MTMR6: variants seen among roughly 807,000 people sequenced by gnomAD.
MTMR6 encodes the protein phosphatidylinositol-3,5-bisphosphate 3-phosphatase MTMR6.
A neutral mutation model predicts 80.1 loss-of-function variants in MTMR6; 47 were observed. The observed-to-expected ratio is 0.59, with a 90% CI of 0.46 to 0.75. The LOEUF is 0.75. Among genes scored for constraint, MTMR6 ranks in the 30% least tolerant of loss-of-function variants. The probability of loss-of-function intolerance (pLI) is 0.00; values close to 1 mark genes in which losing one functional copy is unlikely to be tolerated. For synonymous variants in MTMR6, 254 were observed against 253.0 expected (o/e 1.00, Z -0.04); for missense variants, 629 against 730.9 (o/e 0.86, Z 1.61).
chr13:25,257,145 A>G, intron 9 of MTMR6, 51 bp downstream of exon 9: 1 of 1,547,080 alleles, frequency 6.5e-7, no homozygotes, highest in Non-Finnish European at 8.8e-7. Context: ...CTGGAGGAAC[A>G]TAAAATTACT....
At chr13:25,283,062 G>C (rs187671027) in intron 1 of MTMR6, among the ~76,000 whole-genome samples, 82 of 151,746 alleles carry the variant, frequency 5.4e-4, no homozygotes, top group African/African-American at 1.9e-3. Context: ...CCTCACACTA[G>C]ATCCTCACAT....
At chr13:25,264,148 C>T (rs4770814) in intron 5 of MTMR6, among the ~76,000 whole-genome samples, 147,233 of 152,064 alleles carry the variant, frequency 0.97, 71,443 homozygotes, top group East Asian at 1. Context: ...AATAGAAAAC[C>T]ATCTTTAAAA....
At position 25,258,576 on chromosome 13, in the gene MTMR6, A is replaced by C; in HGVS notation, c.843T>G (p.Leu281=). 6.3e-7 allele frequency: 1 copy of C among 1,589,590 alleles called. No homozygotes were observed. Among genetic ancestry groups the C allele is most frequent in the South Asian group, 1.2e-5 (1 of 85,606 alleles). Residue 281 remains leucine, a synonymous_variant, in exon 7 of 14, where the codon CTT becomes CTG. Transcript: ENST00000381801. ...ATAATATACCTTCCAATAATTTCTG[A>C]AGGCTGGACCTCATGACATGAATAT... ...IENIHVMRSS[L]QKLLEVNGTK... is the part of the protein sequence containing the mutation.
chr13:25,267,961 C>A lies in MTMR6; in HGVS notation c.142-20G>T. On this transcript the variant is annotated intron_variant, in intron 2 of 13. Transcript: ENST00000381801. ...TAATATCTACAGCATGAAAAAACAT[C>A]CAGGTCATCAACATGGAAAGCACTA... 6.4e-7 allele frequency: 1 copy of A among 1,559,744 alleles called. No homozygotes were observed. Among genetic ancestry groups the A allele is most frequent in the South Asian group, 1.2e-5 (1 of 80,440 alleles).
At chr13:25,275,691 C>A (rs867102992) in intron 1 of MTMR6, among the ~76,000 whole-genome samples, 2 of 151,804 alleles carry the variant, frequency 1.3e-5, no homozygotes, top group Non-Finnish European at 2.9e-5. Flanking sequence ...GAAACCCCGT[C>A]TCTATCAAAA....
At chr13:25,253,668 A>C in intron 11 of MTMR6, 96 bp downstream of exon 11, 1 of 1,090,828 alleles carries the variant, frequency 9.2e-7, no homozygotes, top group Non-Finnish European at 1.3e-6. Flanking sequence ...TAAACTTTCA[A>C]ATTGTCAAGA....
At chr13:25,284,795 T>C (rs1957923370) in intron 1 of MTMR6, among the ~76,000 whole-genome samples, 1 of 152,204 alleles carries the variant, frequency 6.6e-6, no homozygotes, top group Admixed American at 6.5e-5. Flanking sequence ...TTTAAGAACA[T>C]GTTACAGTCC....
intron 6 of MTMR6, 55 bp downstream of exon 6, chr13:25,261,612 AG>A: frequency 9.3e-6 from 13 of 1,397,698 alleles, no homozygotes; most frequent in Non-Finnish European, 1.1e-5. Flanking sequence ...ACTCTCATTA[AG>A]TAAAGTAATA....
intron 1 of MTMR6, among the ~76,000 whole-genome samples, chr13:25,278,488 A>T (rs928791209): frequency 1.3e-5 from 2 of 152,230 alleles, no homozygotes; most frequent in Non-Finnish European, 2.9e-5. Flanking sequence ...TGGGAGGCCA[A>T]GGAGGGTGGA....
At chr13:25,286,646 G>T (rs1174184525) in intron 1 of MTMR6, among the ~76,000 whole-genome samples, 2 of 152,124 alleles carry the variant, frequency 1.3e-5, no homozygotes, top group Non-Finnish European at 2.9e-5. Context: ...CCCTTCTCCA[G>T]AACTCTTGAC....
chr13:25,250,365 T>C (rs1365151455), intron 13 of MTMR6, among the ~76,000 whole-genome samples: 1 of 152,180 alleles, frequency 6.6e-6, no homozygotes, highest in African/African-American at 2.4e-5. Flanking sequence ...ATATATAGCA[T>C]ACCATAAATA....
rs1349759313 is a variant in MTMR6 at position 25,247,738 on chromosome 13, A to C, written c.*1494T>G. 6.6e-6 allele frequency: 1 copy of C among 152,210 alleles called. No individual in the cohort carries two copies. Among genetic ancestry groups the C allele is most frequent in the Non-Finnish European group, 1.5e-5 (1 of 68,010 alleles). 9.4% of individuals were successfully genotyped at this position (152,210 alleles called of 1,614,324 possible). A position where few individuals can be genotyped will look rare whatever the true frequency, so the allele number is the denominator to read the frequency against. On this transcript the variant is annotated 3_prime_UTR_variant, in exon 14 of 14. Transcript: ENST00000381801. ...ATTACAGAAAAGCATTGGAAAAATA[A>C]ACAGGATAAGATAAGCTCTCATACA...
At chr13:25,256,709 A>T (rs892512133) in intron 9 of MTMR6, among the ~76,000 whole-genome samples, 6 of 152,254 alleles carry the variant, frequency 3.9e-5, no homozygotes, top group Admixed American at 1.3e-4. Flanking sequence ...CTTCAGATAT[A>T]AAACATGCCT....
At chr13:25,287,032 GCCTCTGCAC>G (rs1453513739) in intron 1 of MTMR6, among the ~76,000 whole-genome samples, 183 bp downstream of exon 1, 3 of 151,934 alleles carry the variant, frequency 2.0e-5, no homozygotes, top group Admixed American at 2.0e-4. Flanking sequence ...GGTACAGGAG[GCCTCTGCAC>G]CCCGCTTGGC....
intron 5 of MTMR6, among the ~76,000 whole-genome samples, chr13:25,264,170 T>C (rs1180376328): frequency 2.0e-5 from 3 of 148,244 alleles, no homozygotes; most frequent in Non-Finnish European, 4.5e-5. Context: ...TTTCAGAAAA[T>C]AGGAAAAGCT....
chr13:25,258,347 T>C (rs1957259653), intron 7 of MTMR6, among the ~76,000 whole-genome samples: 1 of 152,114 alleles, frequency 6.6e-6, no homozygotes, highest in East Asian at 1.9e-4. Flanking sequence ...TAAGAGTTGA[T>C]GAAAAGAAAA....
chr13:25,275,375 T>C (rs997447570), intron 1 of MTMR6, among the ~76,000 whole-genome samples: 1 of 151,878 alleles, frequency 6.6e-6, no homozygotes, highest in Admixed American at 6.6e-5. Flanking sequence ...TGAGCCAAGA[T>C]TGTGCCACTG....
rs376766637 is a variant in MTMR6 at position 25,274,094 on chromosome 13, C to A, written c.118G>T (p.Asp40Tyr). The A allele has an allele frequency of 2.5e-6, 4 of 1,606,464 alleles. No individual in the cohort carries two copies. Among genetic ancestry groups the A allele is most frequent in the South Asian group, 1.1e-5 (1 of 90,120 alleles). ...YLTATHLLFI[D>Y]SHQKETWILH... ...ACCCAGGTTTCTTTTTGATGAGAGT[C>A]GATAAATAATAGATGTGTAGCCGTA... Residue 40 changes from aspartate to tyrosine, a missense_variant, in exon 2 of 14, where the codon GAC becomes TAC. Asp to Tyr is a radical substitution (Grantham distance 160). Coordinates refer to ENST00000381801, the MANE Select transcript of MTMR6 (RefSeq NM_004685.5).
chr13:25,265,972 C>T (rs117036095), intron 4 of MTMR6, 25 bp from the exon 5 acceptor site: 46,429 of 1,608,308 alleles, frequency 0.029, 821 homozygotes, highest in Non-Finnish European at 0.034. Flanking sequence ...CAAAACATAA[C>T]CATTGTATTC....
Sources: gnomAD v4.1 joint callset for allele counts (sites outside exome capture counted in the v4.1 genomes callset) on GRCh38, gnomAD v4.1.1 for gene constraint, MANE v1.5 for transcripts, NCBI Gene and HGNC (gene_info 2026-07-23, HGNC 2026-07-21) for gene names.